RERG: variants seen among roughly 807,000 people sequenced by gnomAD.
RERG encodes the protein ras-related and estrogen-regulated growth inhibitor.
A neutral mutation model predicts 23.2 loss-of-function variants in RERG; 25 were observed. The observed-to-expected ratio is 1.08, with a 90% CI of 0.79 to 1.50. The LOEUF (loss-of-function observed/expected upper bound fraction) is 1.50, where lower values mean the gene tolerates loss of function less well. Ranked by LOEUF, RERG falls within the 40% of genes most tolerant of loss-of-function variation. RERG has a pLI of 0.00. For synonymous variants in RERG, 81 were observed against 89.1 expected (o/e 0.91, Z 0.51); for missense variants, 253 against 250.1 (o/e 1.01, Z -0.08).
chr12:15,127,728 T>C (rs1863973314), intron 2 of RERG, among the ~76,000 whole-genome samples: 1 of 152,254 alleles, frequency 6.6e-6, no homozygotes, highest in African/African-American at 2.4e-5. Flanking sequence ...TTATTAATTA[T>C]ATTAGTTGTT....
At chr12:15,110,463 C>CTTTTTT (rs869218147) in intron 4 of RERG, among the ~76,000 whole-genome samples, 1,666 of 73,066 alleles carry the variant, frequency 0.023, 389 homozygotes, top group East Asian at 0.036. Flanking sequence ...CCATTTTTTT[C>CTTTTTT]TTTTTTTTTT....
intron 2 of RERG, among the ~76,000 whole-genome samples, chr12:15,179,149 A>G: frequency 6.6e-6 from 1 of 152,156 alleles, no homozygotes; most frequent in East Asian, 1.9e-4. Flanking sequence ...ATGTGTGTAT[A>G]TGTGTGTAGC....
At chr12:15,184,149 C>T (rs1343738997) in intron 2 of RERG, among the ~76,000 whole-genome samples, 1 of 146,578 alleles carries the variant, frequency 6.8e-6, no homozygotes, top group Non-Finnish European at 1.5e-5. Context: ...TCCATATCCT[C>T]GTCTACACCA....
intron 2 of RERG, among the ~76,000 whole-genome samples, chr12:15,131,857 T>A (rs899567336): frequency 6.6e-6 from 1 of 152,104 alleles, no homozygotes; most frequent in African/African-American, 2.4e-5. Flanking sequence ...CAGTAGGGTG[T>A]CTCCATTTGC....
At chr12:15,197,657 C>T (rs1228871563) in intron 2 of RERG, among the ~76,000 whole-genome samples, 1 of 152,030 alleles carries the variant, frequency 6.6e-6, no homozygotes, top group Non-Finnish European at 1.5e-5. Context: ...ATAAAGTAAG[C>T]CATTTTTATT....
intron 3 of RERG, among the ~76,000 whole-genome samples, chr12:15,113,400 C>T (rs2136083655): frequency 1.3e-5 from 2 of 151,888 alleles, no homozygotes; most frequent in South Asian, 4.2e-4. Context: ...GACAATACTG[C>T]CATTAAATTA....
intron 2 of RERG, among the ~76,000 whole-genome samples, chr12:15,212,427 T>A (rs1378195307): frequency 6.6e-6 from 1 of 152,224 alleles, no homozygotes; most frequent in Non-Finnish European, 1.5e-5. Flanking sequence ...AGATTGTTTT[T>A]ATGTTTAAGC....
At chr12:15,220,843 C>T (rs79992059) in intron 1 of RERG, among the ~76,000 whole-genome samples, 4,579 of 152,284 alleles carry the variant, frequency 0.03, 99 homozygotes, top group East Asian at 0.049. Flanking sequence ...GCAGTACCCA[C>T]AGCAAACCAG....
At chr12:15,194,499 C>A (rs1865115957) in intron 2 of RERG, among the ~76,000 whole-genome samples, 1 of 68,174 alleles carries the variant, frequency 1.5e-5, no homozygotes, top group Admixed American at 2.1e-4. Context: ...AAGAAGGAGC[C>A]CGATCTCCCT....
At chr12:15,112,939 T>G (rs1863649090) in intron 3 of RERG, among the ~76,000 whole-genome samples, 1 of 152,084 alleles carries the variant, frequency 6.6e-6, no homozygotes, top group African/African-American at 2.4e-5. Context: ...TATGACAAAA[T>G]TTAAGGATAT....
rs1341766741 is a variant in RERG at position 15,128,960 on chromosome 12, ATGTTCTTTTTTAC to A, written c.62-7854_62-7842del. Among the ~76,000 whole-genome samples, 7 of 152,166 alleles carry A rather than the reference ATGTTCTTTTTTAC, an allele frequency of 4.6e-5. No homozygotes were observed. In the South Asian group the frequency reaches 8.3e-4, roughly 18 times the overall value. On this transcript the variant is annotated intron_variant, in intron 2 of 4. Coordinates refer to ENST00000256953, the MANE Select transcript of RERG (RefSeq NM_032918.3). ...TCTTCTATCACCAACCCTCAAGTTCATGTTCTTTTTTACAGCAGTCCTTACTCTCTTTTCTGTG... is the reference window on the plus strand; with the variant it reads ...TCTTCTATCACCAACCCTCAAGTTCAAGCAGTCCTTACTCTCTTTTCTGTG...
intron 2 of RERG, among the ~76,000 whole-genome samples, chr12:15,201,255 C>T (rs749873518): frequency 8.6e-5 from 13 of 151,780 alleles, no homozygotes; most frequent in African/African-American, 1.7e-4. Context: ...AAATATTTGT[C>T]GAGTGTCTAC....
At chr12:15,170,449 A>G (rs1864761958) in intron 2 of RERG, among the ~76,000 whole-genome samples, 1 of 152,140 alleles carries the variant, frequency 6.6e-6, no homozygotes, top group South Asian at 2.1e-4. Context: ...CTTTTTTAAA[A>G]AAAAGAAAAA....
At chr12:15,168,366 G>A (rs749923945) in intron 2 of RERG, among the ~76,000 whole-genome samples, 2 of 152,110 alleles carry the variant, frequency 1.3e-5, no homozygotes, top group Non-Finnish European at 2.9e-5. Context: ...CAGCTCAAAC[G>A]TTTACTGGTT....
At position 15,132,002 on chromosome 12, in the gene RERG, C is replaced by G. The variant is rs1157093738; in HGVS notation, c.62-10883G>C. Among the ~76,000 whole-genome samples, 6 of 152,048 alleles carry G rather than the reference C, an allele frequency of 3.9e-5. No homozygotes were observed. In the East Asian group the frequency reaches 1.2e-3, roughly 29 times the overall value. On this transcript the variant is annotated intron_variant, in intron 2 of 4. Coordinates refer to ENST00000256953, the MANE Select transcript of RERG (RefSeq NM_032918.3). ...TATGGGTGTTTGAGCTGGAAAAGCA[C>G]CCCCATTATGAAAAGCTTATAAGCC...
At chr12:15,163,069 C>T (rs1864636952) in intron 2 of RERG, among the ~76,000 whole-genome samples, 1 of 152,036 alleles carries the variant, frequency 6.6e-6, no homozygotes, top group Non-Finnish European at 1.5e-5. Context: ...AACGAGGATC[C>T]CTAGTTTCAA....
chr12:15,190,814 T>C (rs1182452211), intron 2 of RERG, among the ~76,000 whole-genome samples: 3 of 152,144 alleles, frequency 2.0e-5, no homozygotes, highest in African/African-American at 7.2e-5. Context: ...CATCCCATAG[T>C]TTCTGTGGTC....
chr12:15,125,375 C>A (rs1320737711), intron 2 of RERG, among the ~76,000 whole-genome samples: 1 of 151,986 alleles, frequency 6.6e-6, no homozygotes, highest in Admixed American at 6.5e-5. Flanking sequence ...TTAAAAACTA[C>A]ATGAATAAAT....
At chr12:15,140,492 C>T (rs1351151251) in intron 2 of RERG, among the ~76,000 whole-genome samples, 1 of 147,046 alleles carries the variant, frequency 6.8e-6, no homozygotes, top group Non-Finnish European at 1.5e-5. Context: ...TTTATTCTTT[C>T]TCTATTGTTT....
Sources: allele counts gnomAD v4.1 joint callset (sites outside exome capture counted in the v4.1 genomes callset), GRCh38; gene constraint gnomAD v4.1.1; transcripts MANE v1.5; gene names NCBI Gene and HGNC (gene_info 2026-07-23, HGNC 2026-07-21).